Variants in SSBP2 observed in about 807,000 individuals in gnomAD.
SSBP2 encodes the protein single stranded DNA binding protein 2.
In SSBP2, 17 loss-of-function variants were observed where a neutral mutation model predicts 61.8. The observed-to-expected ratio is 0.28, with a 90% CI of 0.19 to 0.41. The LOEUF is 0.41. Ranked by LOEUF, SSBP2 falls within the 10% of genes least tolerant of loss-of-function variation. The pLI, the probability that SSBP2 is intolerant of heterozygous loss-of-function variation, is 1.00. For missense variants in SSBP2, 310 were observed against 458.7 expected (o/e 0.68, Z 2.96); for synonymous variants, 139 against 141.3 (o/e 0.98, Z 0.12).
Position 81,488,018 on chromosome 5 carries a change from TA to T in SSBP2, c.432+1231del, listed in dbSNP as rs1766520710. Among the ~76,000 whole-genome samples the T allele has an allele frequency of 1.8e-4, 3 of 16,990 alleles. 1 individual carries two copies. In the South Asian group the frequency reaches 3.1e-3, roughly 18 times the overall value. 11.1% of individuals were successfully genotyped at this position (16,990 alleles called of 152,430 possible). ...CTTGTTTATGGCCAAATAATATATATATATATATATATATATATATATATAT... is the reference window on the plus strand; with the variant it reads ...CTTGTTTATGGCCAAATAATATATATTATATATATATATATATATATATAT... On this transcript the variant is annotated intron_variant, in intron 6 of 16. Transcript: ENST00000320672.
At chr5:81,453,207 A>T (rs1385247856) in intron 10 of SSBP2, among the ~76,000 whole-genome samples, 4 of 151,958 alleles carry the variant, frequency 2.6e-5, no homozygotes, top group Admixed American at 2.6e-4. Context: ...CTGAGGTGGG[A>T]GGATTGCTTG....
intron 1 of SSBP2, among the ~76,000 whole-genome samples, chr5:81,667,515 T>C (rs79364321): frequency 0.014 from 2,186 of 152,196 alleles, 26 homozygotes; most frequent in Non-Finnish European, 0.022. Context: ...AGCTACTATA[T>C]GGACTCATTC....
At chr5:81,686,572 T>A (rs1426122514) in intron 1 of SSBP2, among the ~76,000 whole-genome samples, 1 of 151,878 alleles carries the variant, frequency 6.6e-6, no homozygotes, top group African/African-American at 2.4e-5. Flanking sequence ...AGTGACAAAA[T>A]GGGGCCGGGC....
At chr5:81,503,840 T>TG (rs1767980660) in intron 5 of SSBP2, among the ~76,000 whole-genome samples, 1 of 152,156 alleles carries the variant, frequency 6.6e-6, no homozygotes, top group South Asian at 2.1e-4. Context: ...TGCAGGAACA[T>TG]GGATGGAGCT....
chr5:81,696,777 AT>A (rs1273600047), intron 1 of SSBP2, among the ~76,000 whole-genome samples: 1 of 152,224 alleles, frequency 6.6e-6, no homozygotes, highest in East Asian at 1.9e-4. Flanking sequence ...AGAGTGATTA[AT>A]TCATATTTCC....
chr5:81,614,359 CAAAAAAAAA>C (rs10659647), intron 4 of SSBP2, among the ~76,000 whole-genome samples: 6 of 73,822 alleles, frequency 8.1e-5, no homozygotes, highest in South Asian at 5.6e-4. Flanking sequence ...GACTCCGTCT[CAAAAAAAAA>C]AAAAAAAAAA....
At chr5:81,513,480 T>C (rs1561488212) in intron 5 of SSBP2, 148 bp downstream of exon 5, 2 of 520,434 alleles carry the variant, frequency 3.8e-6, no homozygotes, top group Admixed American at 6.8e-5. Flanking sequence ...AGGGATATAA[T>C]AGATAACCCA....
Position 81,467,309 on chromosome 5 carries a change from A to G in SSBP2, c.571-268T>C, listed in dbSNP as rs140866615. Among the ~76,000 whole-genome samples the G allele has an allele frequency of 5.8e-3, 887 of 152,166 alleles. 6 individuals are homozygous for G. Among genetic ancestry groups the G allele is most frequent in the African/African-American group, 0.02 (828 of 41,570 alleles). ...AAGGTATGGCTGCAATTATATTTCA[A>G]TATATTTTATTAATATCCTAAGATA... is the stretch of plus-strand genomic sequence containing the variant. On this transcript the variant is annotated intron_variant, in intron 8 of 16. Transcript: ENST00000320672.
intron 1 of SSBP2, among the ~76,000 whole-genome samples, chr5:81,662,370 G>A (rs1750765370): frequency 6.6e-6 from 1 of 152,164 alleles, no homozygotes; most frequent in African/African-American, 2.4e-5. Flanking sequence ...GGGAGGCTGA[G>A]GCAGAAGAAT....
chr5:81,538,114 CCAAA>C (rs745714208), intron 4 of SSBP2, among the ~76,000 whole-genome samples: 2 of 152,084 alleles, frequency 1.3e-5, no homozygotes, highest in African/African-American at 2.4e-5. Context: ...TCCTCTTGTA[CCAAA>C]CAGTCAAGTT....
chr5:81,741,030 A>C (rs974912583), intron 1 of SSBP2, among the ~76,000 whole-genome samples: 11 of 152,292 alleles, frequency 7.2e-5, no homozygotes, highest in African/African-American at 2.6e-4. Context: ...ATGTTAAGCG[A>C]TGAAACACAC....
intron 1 of SSBP2, among the ~76,000 whole-genome samples, chr5:81,654,896 G>C (rs1435447917): frequency 6.6e-6 from 1 of 152,112 alleles, no homozygotes; most frequent in Non-Finnish European, 1.5e-5. Context: ...CCAGGAAGTG[G>C]AAGGCTGAGG....
intron 1 of SSBP2, among the ~76,000 whole-genome samples, chr5:81,670,616 GT>G (rs1353593777): frequency 6.6e-6 from 1 of 152,176 alleles, no homozygotes; most frequent in South Asian, 2.1e-4. Flanking sequence ...GCTTTCTAAA[GT>G]TTTTTTCCTC....
chr5:81,704,657 G>A (rs536797846), intron 1 of SSBP2, among the ~76,000 whole-genome samples: 6 of 151,928 alleles, frequency 3.9e-5, no homozygotes, highest in African/African-American at 7.2e-5. Flanking sequence ...TTAGTTGGGC[G>A]TAGTGGCGCG....
At chr5:81,695,334 C>G (rs1349623590) in intron 1 of SSBP2, among the ~76,000 whole-genome samples, 2 of 152,072 alleles carry the variant, frequency 1.3e-5, no homozygotes, top group Non-Finnish European at 2.9e-5. Flanking sequence ...AAGAATTATT[C>G]TGGTTTAGTC....
At chr5:81,653,053 C>A (rs1402817618) in intron 1 of SSBP2, among the ~76,000 whole-genome samples, 2 of 151,624 alleles carry the variant, frequency 1.3e-5, no homozygotes, top group South Asian at 4.2e-4. Flanking sequence ...ACTCATCAAC[C>A]CCTCATCTAC....
intron 4 of SSBP2, among the ~76,000 whole-genome samples, chr5:81,600,983 G>A (rs1057354821): frequency 6.6e-6 from 1 of 152,140 alleles, no homozygotes; most frequent in Non-Finnish European, 1.5e-5. Context: ...ACATACGAAA[G>A]CAAAAGGCGT....
chr5:81,638,838 A>T (rs533100737), intron 2 of SSBP2, among the ~76,000 whole-genome samples: 134 of 152,318 alleles, frequency 8.8e-4, no homozygotes, highest in Non-Finnish European at 1.7e-3. Flanking sequence ...TAAATGGAAA[A>T]AGTAAAAATG....
At chr5:81,552,565 G>T (rs1410432951) in intron 4 of SSBP2, among the ~76,000 whole-genome samples, 2 of 151,546 alleles carry the variant, frequency 1.3e-5, no homozygotes, top group Non-Finnish European at 2.9e-5. Flanking sequence ...TTGAACCCAG[G>T]AGGCAGAGGA....
Sources: allele counts gnomAD v4.1 joint callset (sites outside exome capture counted in the v4.1 genomes callset), GRCh38; gene constraint gnomAD v4.1.1; transcripts MANE v1.5; gene names NCBI Gene and HGNC (gene_info 2026-07-23, HGNC 2026-07-21).